The following ROBO2 variants were observed in gnomAD, a reference collection of about 807,000 sequenced individuals.
ROBO2 encodes roundabout homolog 2.
Under a neutral mutation model 160.8 loss-of-function variants are expected in ROBO2, and 53 were observed. The ratio of observed to expected loss-of-function variants is 0.33; its 90% CI spans 0.26 to 0.41. The LOEUF is 0.41. Ranked by LOEUF, ROBO2 falls within the 10% of genes least tolerant of loss-of-function variation. The pLI is 1.00. For missense variants in ROBO2, 1,577 were observed against 1,722.4 expected, an observed-to-expected ratio of 0.92 and a Z score of 1.49; for synonymous variants, 664 against 611.7, an observed-to-expected ratio of 1.09 and a Z score of -1.26.
intron 2 of ROBO2, among the ~76,000 whole-genome samples, chr3:76,815,190 G>T (rs948863458): frequency 7.9e-5 from 12 of 151,922 alleles, no homozygotes; most frequent in African/African-American, 2.7e-4. Context: ...TTTTTGTAAA[G>T]GATCTAGCTG....
chr3:76,433,614 T>C (rs561681652), intron 2 of ROBO2, among the ~76,000 whole-genome samples: 27 of 152,346 alleles, frequency 1.8e-4, no homozygotes, highest in African/African-American at 6.3e-4. Flanking sequence ...TTAAATTGTA[T>C]TTGTACGTGG....
Position 76,061,604 on chromosome 3 carries a change from T to C in ROBO2, c.109+124002T>C, listed in dbSNP as rs537484845. Reference sequence around the variant, plus strand: ...TATCTAGATGAACCTGTTTACCAAATACTTTTTTGATATACAGCTGGAAGC... The same window carrying C: ...TATCTAGATGAACCTGTTTACCAAACACTTTTTTGATATACAGCTGGAAGC... On this transcript the variant is annotated intron_variant, in intron 2 of 26. Coordinates refer to the ROBO2 transcript ENST00000487694. Among the ~76,000 whole-genome samples, 10 of 152,326 alleles carry C rather than the reference T, an allele frequency of 6.6e-5. No homozygotes were observed. In the East Asian group the frequency reaches 1.9e-3, roughly 29 times the overall value.
intron 2 of ROBO2, among the ~76,000 whole-genome samples, chr3:76,335,347 A>T (rs2073811577): frequency 6.6e-6 from 1 of 150,516 alleles, no homozygotes; most frequent in African/African-American, 2.4e-5. Context: ...CGCCTGGTTA[A>T]TTTTTGTATT....
chr3:77,123,065 T>C (rs141951570), intron 2 of ROBO2, among the ~76,000 whole-genome samples: 6 of 152,128 alleles, frequency 3.9e-5, no homozygotes, highest in Non-Finnish European at 5.9e-5. Flanking sequence ...AAGTTTAGGA[T>C]CTGAACTCTG....
At chr3:76,505,916 T>C (rs1162613090) in intron 2 of ROBO2, among the ~76,000 whole-genome samples, 2 of 152,232 alleles carry the variant, frequency 1.3e-5, no homozygotes, top group Non-Finnish European at 2.9e-5. Context: ...AATATTTATA[T>C]TTTATACACT....
chr3:77,379,232 CACA>C (rs1282914787), intron 2 of ROBO2, among the ~76,000 whole-genome samples: 1 of 152,186 alleles, frequency 6.6e-6, no homozygotes, highest in Non-Finnish European at 1.5e-5. Context: ...AGGCGTGAGC[CACA>C]ACGCCCAGCA....
intron 2 of ROBO2, among the ~76,000 whole-genome samples, chr3:76,242,356 A>G (rs948454450): frequency 5.3e-5 from 8 of 152,102 alleles, no homozygotes; most frequent in African/African-American, 1.7e-4. Flanking sequence ...AGTCTCAGCT[A>G]CTACCTTGTA....
chr3:76,083,485 G>A (rs1408028647), intron 2 of ROBO2, among the ~76,000 whole-genome samples: 1 of 151,922 alleles, frequency 6.6e-6, no homozygotes, highest in Non-Finnish European at 1.5e-5. Context: ...TTGTTTTTTA[G>A]CAACAGCATG....
chr3:76,874,613 T>C (rs2072503199), intron 2 of ROBO2, among the ~76,000 whole-genome samples: 1 of 151,988 alleles, frequency 6.6e-6, no homozygotes, highest in Non-Finnish European at 1.5e-5. Flanking sequence ...GAGGAGAAAA[T>C]GATGGTTATT....
In ROBO2 at chr3:76,772,952, A is replaced by C. The variant is rs1228894798; in HGVS notation, c.110-325062A>C. 2.6e-5 allele frequency among the ~76,000 whole-genome samples: 4 copies of C among 151,164 alleles called. No individual in the cohort carries two copies. In the East Asian group the frequency reaches 7.8e-4, roughly 30 times the overall value. ...ATAGTGCGTTAAAATTTTGGCATCGATGGAAATTCTAAAGTACTATGGTGA... is the reference window on the plus strand; with the variant it reads ...ATAGTGCGTTAAAATTTTGGCATCGCTGGAAATTCTAAAGTACTATGGTGA... On this transcript the variant is annotated intron_variant, in intron 2 of 26. Transcript: ENST00000487694.
At chr3:76,438,767 A>G (rs1167617961) in intron 2 of ROBO2, among the ~76,000 whole-genome samples, 2 of 152,072 alleles carry the variant, frequency 1.3e-5, no homozygotes, top group African/African-American at 4.8e-5. Flanking sequence ...AGTCATTTCT[A>G]TTGTAATTTT....
chr3:76,917,745 T>TC (rs1553691125), intron 2 of ROBO2, among the ~76,000 whole-genome samples: 2 of 150,522 alleles, frequency 1.3e-5, no homozygotes, highest in African/African-American at 4.9e-5. Context: ...TCTGGTGAGC[T>TC]AAAAAAAAAT....
At chr3:75,972,198 G>A (rs1408109935) in intron 2 of ROBO2, among the ~76,000 whole-genome samples, 1 of 151,552 alleles carries the variant, frequency 6.6e-6, no homozygotes, top group Non-Finnish European at 1.5e-5. Context: ...ATATTATTAA[G>A]ACAAGCACTT....
intron 2 of ROBO2, among the ~76,000 whole-genome samples, chr3:77,383,314 G>A (rs2073750859): frequency 6.6e-6 from 1 of 152,034 alleles, no homozygotes; most frequent in South Asian, 2.1e-4. Context: ...TAATAGGCAT[G>A]ATGTTCAATA....
chr3:77,351,021 C>T (rs1033094299), intron 2 of ROBO2, among the ~76,000 whole-genome samples: 83 of 152,300 alleles, frequency 5.4e-4, no homozygotes, highest in African/African-American at 1.8e-3. Context: ...TTGGTGGTTT[C>T]TCCCTTTTAA....
At chr3:77,251,620 C>T (rs1305963432) in intron 2 of ROBO2, among the ~76,000 whole-genome samples, 4 of 152,062 alleles carry the variant, frequency 2.6e-5, no homozygotes, top group South Asian at 2.1e-4. Flanking sequence ...TGTTGCGTCC[C>T]GACCCGAATC....
At chr3:76,447,103 C>A (rs2077222270) in intron 2 of ROBO2, among the ~76,000 whole-genome samples, 1 of 152,158 alleles carries the variant, frequency 6.6e-6, no homozygotes, top group Non-Finnish European at 1.5e-5. Context: ...AGTGAACAGG[C>A]AGCCTACAGA....
intron 2 of ROBO2, among the ~76,000 whole-genome samples, chr3:76,760,732 T>C (rs1489440855): frequency 2.0e-5 from 3 of 151,804 alleles, no homozygotes; most frequent in Admixed American, 2.0e-4. Context: ...AAAGAGTGTG[T>C]ATATAAAGTG....
At chr3:77,191,488 A>G (rs1279212174) in intron 2 of ROBO2, among the ~76,000 whole-genome samples, 1 of 152,204 alleles carries the variant, frequency 6.6e-6, no homozygotes, top group Middle Eastern at 3.2e-3. Flanking sequence ...AGGCTAATAC[A>G]TTAAACTTGT....
Sources: allele counts gnomAD v4.1 joint callset (sites outside exome capture counted in the v4.1 genomes callset), GRCh38; gene constraint gnomAD v4.1.1; transcripts MANE v1.5; gene names NCBI Gene and HGNC (gene_info 2026-07-23, HGNC 2026-07-21).